HAO2: variants seen among roughly 807,000 people sequenced by gnomAD.
HAO2 encodes 2-Hydroxyacid oxidase 2.
HAO2 carries 42 observed loss-of-function variants against 37.4 expected under a neutral mutation model. The observed-to-expected ratio is 1.12, with a 90% confidence interval of 0.88 to 1.45. HAO2 has a LOEUF of 1.45. Ranked by LOEUF, HAO2 falls within the 40% of genes most tolerant of loss-of-function variation. HAO2 has a pLI of 0.00. For missense variants in HAO2, 476 were observed against 430.2 expected, an observed-to-expected ratio of 1.11 and a Z score of -0.94; for synonymous variants, 180 against 162.8, an observed-to-expected ratio of 1.11 and a Z score of -0.81.
chr1:119,389,011 T>A lies in HAO2; in HGVS notation c.771+2180T>A, dbSNP rs587620927. On this transcript the variant is annotated intron_variant, in intron 5 of 7. Coordinates refer to ENST00000325945, the MANE Select transcript of HAO2 (RefSeq NM_016527.4). ...TCATAGCTTAGCTCCCACTTATGAGTGAGAATATATGATGTTTGGTTTTCC... is the reference window on the plus strand; with the variant it reads ...TCATAGCTTAGCTCCCACTTATGAGAGAGAATATATGATGTTTGGTTTTCC... Among the ~76,000 whole-genome samples, 185 of 148,972 alleles carry A rather than the reference T, an allele frequency of 1.2e-3. 3 individuals are homozygous for A. The Middle Eastern group carries it at 0.017, about 14-fold the overall frequency.
At chr1:119,378,428 G>A (rs953960147) in intron 1 of HAO2, among the ~76,000 whole-genome samples, 4 of 152,116 alleles carry the variant, frequency 2.6e-5, no homozygotes, top group African/African-American at 9.7e-5. Context: ...CCATATCACT[G>A]ATCTTTCACA....
At chr1:119,380,484 C>G in intron 1 of HAO2, 1 of 496,910 alleles carries the variant, frequency 2.0e-6, no homozygotes, top group East Asian at 3.3e-5. Context: ...CTTGTCCTTT[C>G]CCCACTCTGT....
chr1:119,385,617 C>G, intron 4 of HAO2: 1 of 985,068 alleles, frequency 1.0e-6, no homozygotes, highest in Non-Finnish European at 1.2e-6. Flanking sequence ...AATCTCTGAA[C>G]TAGGTGACTA....
At chr1:119,376,436 G>C (rs1557843459) in intron 1 of HAO2, among the ~76,000 whole-genome samples, 1 of 152,178 alleles carries the variant, frequency 6.6e-6, no homozygotes, top group Non-Finnish European at 1.5e-5. Context: ...GGCTAATGTT[G>C]AGTGTCTGTG....
intron 3 of HAO2, among the ~76,000 whole-genome samples, chr1:119,383,652 C>A (rs1650144017): frequency 6.6e-6 from 1 of 151,884 alleles, no homozygotes. Context: ...ACCACCACCA[C>A]CACCACCGCC....
chr1:119,375,900 C>T (rs187687179), intron 1 of HAO2, among the ~76,000 whole-genome samples: 2 of 152,226 alleles, frequency 1.3e-5, no homozygotes, highest in East Asian at 3.9e-4. Context: ...CCCACCAGGA[C>T]CCTCCTATGA....
intron 1 of HAO2, among the ~76,000 whole-genome samples, chr1:119,372,713 C>T (rs368151159): frequency 3.9e-5 from 6 of 152,126 alleles, no homozygotes; most frequent in Admixed American, 1.3e-4. Context: ...GGTGGTGCCA[C>T]GGGACCAGAA....
At position 119,392,208 on chromosome 1, in the gene HAO2, G is replaced by A; in HGVS notation, c.870G>A (p.Leu290=). The A allele has an allele frequency of 6.2e-7, 1 of 1,613,410 alleles. No homozygotes were observed. The highest frequency in any genetic ancestry group is 1.3e-5 in the African/African-American group (1 of 75,004). The stretch of plus-strand genomic sequence containing the variant: ...CTGGCAATGATGTGCTGAAGGCTCT[G>A]GCCCTTGGAGCTAAGTGCATTTTTC... ...VRTGNDVLKA[L]ALGAKCIFLG... The change falls in exon 6 of 8, where the codon CTG becomes CTA. Residue 290 remains leucine, a synonymous_variant. Coordinates refer to ENST00000325945, the MANE Select transcript of HAO2 (RefSeq NM_016527.4).
chr1:119,385,264 C>T, intron 4 of HAO2: 1 of 985,078 alleles, frequency 1.0e-6, no homozygotes, highest in Non-Finnish European at 1.2e-6. Context: ...ACCAAATGTT[C>T]TCACCCTTGG....
At chr1:119,377,397 T>C (rs146744173) in intron 1 of HAO2, among the ~76,000 whole-genome samples, 4 of 152,278 alleles carry the variant, frequency 2.6e-5, no homozygotes, top group East Asian at 1.9e-4. Context: ...CATATTACTA[T>C]CAAAATTTTA....
intron 2 of HAO2, among the ~76,000 whole-genome samples, chr1:119,381,504 T>G (rs899167463): frequency 6.6e-6 from 1 of 152,184 alleles, no homozygotes; most frequent in African/African-American, 2.4e-5. Context: ...GAATGACCAG[T>G]TCCCTAGGCA....
chr1:119,384,148 T>G (rs61506698), intron 3 of HAO2, among the ~76,000 whole-genome samples: 552 of 152,298 alleles, frequency 3.6e-3, no homozygotes, highest in African/African-American at 0.013. Context: ...ATGAACGTCA[T>G]CACCATCAAC....
Position 119,376,114 on chromosome 1 carries a change from G to A in HAO2, c.-8-4964G>A, listed in dbSNP as rs184314286. Among the ~76,000 whole-genome samples the A allele has an allele frequency of 5.3e-5, 8 of 152,254 alleles. No individual in the cohort carries two copies. In the East Asian group the frequency reaches 1.5e-3, roughly 29 times the overall value. ...CAGTCCAAAGTCTCATCTGAGACAA[G>A]GCAAGTCCCTTCTACCTATGAGCCT... On this transcript the variant is annotated intron_variant, in intron 1 of 7. Coordinates refer to ENST00000325945, the MANE Select transcript of HAO2 (RefSeq NM_016527.4).
chr1:119,388,822 C>T (rs901803256), intron 5 of HAO2, among the ~76,000 whole-genome samples: 6 of 151,746 alleles, frequency 4.0e-5, no homozygotes, highest in African/African-American at 1.5e-4. Flanking sequence ...GTGGTGTCTG[C>T]TACATGAGTA....
chr1:119,385,169 G>A, intron 4 of HAO2, 116 bp downstream of exon 4: 1 of 1,449,884 alleles, frequency 6.9e-7, no homozygotes, highest in African/African-American at 1.4e-5. Context: ...CCTGCTCTGT[G>A]CCAGACACTG....
At chr1:119,389,170 A>ATATATATATATATATAT (rs1557855935) in intron 5 of HAO2, among the ~76,000 whole-genome samples, 2 of 96,542 alleles carry the variant, frequency 2.1e-5, no homozygotes, top group Non-Finnish European at 4.3e-5. Context: ...ATATATATAC[A>ATATATATATATATATAT]CCACAGTTTC....
At chr1:119,381,450 A>G (rs1272841495) in intron 2 of HAO2, among the ~76,000 whole-genome samples, 4 of 152,206 alleles carry the variant, frequency 2.6e-5, no homozygotes, top group African/African-American at 7.2e-5. Flanking sequence ...ATTCTCCTTC[A>G]TCTCAGCAAC....
At chr1:119,385,746 T>G in intron 4 of HAO2, 1 of 985,396 alleles carries the variant, frequency 1.0e-6, no homozygotes, top group Non-Finnish European at 1.2e-6. Flanking sequence ...GCCAGCCTTT[T>G]CAACCAGTGG....
intron 5 of HAO2, among the ~76,000 whole-genome samples, chr1:119,391,855 A>C (rs1278137439): frequency 1.3e-5 from 2 of 152,208 alleles, no homozygotes; most frequent in Admixed American, 6.5e-5. Context: ...ATAACCAAGC[A>C]GTTCTTCCAA....
Sources: allele counts gnomAD v4.1 joint callset (sites outside exome capture counted in the v4.1 genomes callset), GRCh38; gene constraint gnomAD v4.1.1; transcripts MANE v1.5; gene names NCBI Gene and HGNC (gene_info 2026-07-23, HGNC 2026-07-21).